LRRTM4: variants seen among roughly 807,000 people sequenced by gnomAD.
The protein encoded by LRRTM4 is leucine rich repeat transmembrane neuronal 4.
Under a neutral mutation model 47.6 loss-of-function variants are expected in LRRTM4, and 25 were observed. The ratio of observed to expected loss-of-function variants is 0.53; its 90% CI spans 0.38 to 0.73. LRRTM4 has a LOEUF of 0.73. LRRTM4 is among the 30% of genes least tolerant of loss of function. The pLI, the probability that LRRTM4 is intolerant of heterozygous loss-of-function variation, is 0.00. For synonymous variants in LRRTM4, 311 were observed against 269.5 expected (o/e 1.15, Z -1.51); for missense variants, 638 against 713.4 (o/e 0.89, Z 1.20).
At chr2:76,955,910 T>G (rs531258338) in intron 3 of LRRTM4, among the ~76,000 whole-genome samples, 9 of 151,696 alleles carry the variant, frequency 5.9e-5, no homozygotes, top group African/African-American at 2.2e-4. Context: ...CAGCCCAAAC[T>G]GACAAAGATG....
chr2:77,309,678 A>AGAT (rs1374653427), intron 3 of LRRTM4, among the ~76,000 whole-genome samples: 1 of 125,682 alleles, frequency 8.0e-6, no homozygotes, highest in Non-Finnish European at 1.7e-5. Context: ...ATAGATAGAC[A>AGAT]GATGATAGAT....
chr2:77,361,981 C>G (rs1260120697), intron 3 of LRRTM4, among the ~76,000 whole-genome samples: 2 of 151,808 alleles, frequency 1.3e-5, no homozygotes, highest in Non-Finnish European at 2.9e-5. Flanking sequence ...ACTATTCAGT[C>G]AGGAGGCTGA....
chr2:76,847,931 T>A (rs1445700457), intron 3 of LRRTM4, among the ~76,000 whole-genome samples: 4 of 152,120 alleles, frequency 2.6e-5, no homozygotes, highest in Admixed American at 2.6e-4. Flanking sequence ...GAGTGTTCCC[T>A]ATGGGGCACT....
chr2:77,484,949 A>C (rs1433485232), intron 3 of LRRTM4, among the ~76,000 whole-genome samples: 1 of 152,136 alleles, frequency 6.6e-6, no homozygotes, highest in Non-Finnish European at 1.5e-5. Context: ...CTAGGTGTTG[A>C]AACTTTGCAG....
intron 3 of LRRTM4, among the ~76,000 whole-genome samples, chr2:77,101,150 T>C (rs1014354334): frequency 6.6e-6 from 1 of 152,118 alleles, no homozygotes; most frequent in African/African-American, 2.4e-5. Context: ...CTATAGACTA[T>C]ATACAAAAAT....
At chr2:76,914,557 G>C (rs997553917) in intron 3 of LRRTM4, among the ~76,000 whole-genome samples, 1 of 152,050 alleles carries the variant, frequency 6.6e-6, no homozygotes, top group Non-Finnish European at 1.5e-5. Flanking sequence ...TTATTAAAGA[G>C]ATTGTCATAT....
chr2:77,433,261 G>T (rs1029768010), intron 3 of LRRTM4, among the ~76,000 whole-genome samples: 2 of 152,098 alleles, frequency 1.3e-5, no homozygotes, highest in Non-Finnish European at 2.9e-5. Flanking sequence ...GAGCAGAACT[G>T]CCCATTTATT....
chr2:76,800,417 T>G (rs1423624203), intron 3 of LRRTM4, among the ~76,000 whole-genome samples: 10 of 127,532 alleles, frequency 7.8e-5, no homozygotes, highest in Admixed American at 2.5e-4. Flanking sequence ...AAGCTGAAAC[T>G]GGATCCCTTC....
chr2:76,792,662 T>G (rs922232504), intron 3 of LRRTM4, among the ~76,000 whole-genome samples: 3 of 152,070 alleles, frequency 2.0e-5, no homozygotes, highest in Non-Finnish European at 4.4e-5. Context: ...AATTCTCTGT[T>G]GAATACTAGA....
chr2:77,340,054 A>T (rs968949439), intron 3 of LRRTM4, among the ~76,000 whole-genome samples: 2 of 152,024 alleles, frequency 1.3e-5, no homozygotes, highest in African/African-American at 2.4e-5. Flanking sequence ...CGTGATGTAC[A>T]TTATACTGGT....
intron 3 of LRRTM4, among the ~76,000 whole-genome samples, chr2:77,442,696 C>T (rs916860285): frequency 3.9e-5 from 6 of 152,122 alleles, no homozygotes; most frequent in African/African-American, 1.4e-4. Context: ...TGTTTCAGGT[C>T]CTATGAGAAA....
chr2:77,479,846 T>C (rs894158583), intron 3 of LRRTM4, among the ~76,000 whole-genome samples: 1 of 152,204 alleles, frequency 6.6e-6, no homozygotes, highest in Non-Finnish European at 1.5e-5. Flanking sequence ...AATGATTGCA[T>C]GCTTTTTCTT....
At chr2:77,430,265 A>G (rs1214241648) in intron 3 of LRRTM4, among the ~76,000 whole-genome samples, 1 of 152,348 alleles carries the variant, frequency 6.6e-6, no homozygotes, top group African/African-American at 2.4e-5. Flanking sequence ...CAATAAATAC[A>G]TATATTTTTA....
chr2:77,510,279 C>T (rs371436616), intron 3 of LRRTM4, among the ~76,000 whole-genome samples: 38 of 152,078 alleles, frequency 2.5e-4, no homozygotes, highest in African/African-American at 7.0e-4. Flanking sequence ...AAGTTAACAC[C>T]TCAAATATTT....
chr2:77,245,123 G>C (rs753087290), intron 3 of LRRTM4, among the ~76,000 whole-genome samples: 5 of 152,120 alleles, frequency 3.3e-5, no homozygotes, highest in African/African-American at 7.2e-5. Flanking sequence ...ATGCTACTGA[G>C]AGAGACAAAA....
At chr2:77,217,383 AT>A (rs1674481050) in intron 3 of LRRTM4, among the ~76,000 whole-genome samples, 1 of 31,484 alleles carries the variant, frequency 3.2e-5, no homozygotes, top group African/African-American at 2.5e-4. Context: ...TAATTTAATT[AT>A]ATTAATTAAT....
At chr2:76,756,528 T>A (rs1673035782) in intron 3 of LRRTM4, among the ~76,000 whole-genome samples, 2 of 152,192 alleles carry the variant, frequency 1.3e-5, no homozygotes, top group African/African-American at 4.8e-5. Flanking sequence ...TGATTTGTTC[T>A]ATCATCATAT....
intron 3 of LRRTM4, among the ~76,000 whole-genome samples, chr2:77,197,600 T>C (rs72913944): frequency 0.061 from 9,347 of 152,246 alleles, 721 homozygotes; most frequent in African/African-American, 0.19. Context: ...CCTAAAATAC[T>C]ATTCTGTAAA....
intron 3 of LRRTM4, among the ~76,000 whole-genome samples, chr2:76,933,780 G>C (rs758768664): frequency 6.6e-6 from 1 of 152,058 alleles, no homozygotes; most frequent in Non-Finnish European, 1.5e-5. Context: ...ATTAGTATCA[G>C]AATCAATGAA....
Sources: allele counts gnomAD v4.1 joint callset (sites outside exome capture counted in the v4.1 genomes callset), GRCh38; gene constraint gnomAD v4.1.1; transcripts MANE v1.5; gene names NCBI Gene and HGNC (gene_info 2026-07-23, HGNC 2026-07-21).